Variants in ALK observed in about 807,000 individuals in gnomAD.
The protein encoded by ALK is ALK tyrosine kinase receptor.
In ALK, 74 loss-of-function variants were observed where a neutral mutation model predicts 163.1. The observed-to-expected ratio is 0.45, with a 90% CI of 0.38 to 0.55. The LOEUF (loss-of-function observed/expected upper bound fraction) is 0.55. Among genes scored for constraint, ALK ranks in the 20% least tolerant of loss-of-function variants. ALK has a pLI of 0.00. For missense variants in ALK, 2,063 were observed against 2,105.3 expected (o/e 0.98, Z 0.39); for synonymous variants, 960 against 843.2 (o/e 1.14, Z -2.40).
intron 3 of ALK, among the ~76,000 whole-genome samples, chr2:29,637,674 A>T (rs540506244): frequency 1.2e-3 from 157 of 133,916 alleles, no homozygotes; most frequent in Admixed American, 2.2e-3. Context: ...GCACCGCCGC[A>T]CTCCAGCCTG....
chr2:29,400,781 C>A (rs909368450), intron 4 of ALK, among the ~76,000 whole-genome samples: 1 of 152,092 alleles, frequency 6.6e-6, no homozygotes, highest in Non-Finnish European at 1.5e-5. Context: ...TCGAGACCAG[C>A]CTGACCAACA....
chr2:29,397,179 A>G (rs529832897), intron 4 of ALK, among the ~76,000 whole-genome samples: 2 of 152,150 alleles, frequency 1.3e-5, no homozygotes, highest in South Asian at 4.1e-4. Context: ...AAAGGTAATC[A>G]AGTTAAAATT....
chr2:29,677,845 A>G (rs1677931693), intron 3 of ALK, among the ~76,000 whole-genome samples: 1 of 152,090 alleles, frequency 6.6e-6, no homozygotes, highest in Non-Finnish European at 1.5e-5. Flanking sequence ...CTAAAAGAAT[A>G]TGTCAATAAT....
At chr2:29,871,622 C>A (rs1247859085) in intron 1 of ALK, among the ~76,000 whole-genome samples, 1 of 152,188 alleles carries the variant, frequency 6.6e-6, no homozygotes, top group East Asian at 1.9e-4. Flanking sequence ...CCATAAGAAA[C>A]CTGCCTTGAC....
chr2:29,834,341 C>T (rs1194199864), intron 1 of ALK, among the ~76,000 whole-genome samples: 1 of 152,120 alleles, frequency 6.6e-6, no homozygotes, highest in Non-Finnish European at 1.5e-5. Context: ...GTGGGCTTGA[C>T]ACAATGCCAA....
intron 4 of ALK, among the ~76,000 whole-genome samples, chr2:29,468,121 C>T (rs367721842): frequency 3.9e-5 from 6 of 152,000 alleles, no homozygotes; most frequent in Non-Finnish European, 7.4e-5. Flanking sequence ...CTGCGCCTAC[C>T]GGGTTCAAGT....
intron 25 of ALK, 50 bp downstream of exon 25, chr2:29,209,736 G>A (rs2148154828): frequency 2.2e-6 from 3 of 1,382,492 alleles, no homozygotes; most frequent in Non-Finnish European, 3.1e-6. Flanking sequence ...ATTCTTGAGG[G>A]GCTGAGGTGG....
At chr2:29,835,061 G>A (rs567467764) in intron 1 of ALK, among the ~76,000 whole-genome samples, 33 of 152,256 alleles carry the variant, frequency 2.2e-4, no homozygotes, top group African/African-American at 7.9e-4. Context: ...CTGGTGAGTG[G>A]GTAAATCAAG....
At chr2:29,457,343 C>T (rs770199560) in intron 4 of ALK, among the ~76,000 whole-genome samples, 43 of 152,020 alleles carry the variant, frequency 2.8e-4, no homozygotes, top group Non-Finnish European at 5.3e-4. Flanking sequence ...AGAAGTAAAC[C>T]GGAAGGGATG....
intron 1 of ALK, among the ~76,000 whole-genome samples, chr2:29,728,158 T>G (rs1193649087): frequency 6.6e-6 from 1 of 152,234 alleles, no homozygotes; most frequent in Non-Finnish European, 1.5e-5. Context: ...CAATACTTCA[T>G]GTGTGCCTAT....
At chr2:29,272,199 A>AGAGAGGGAGAGAGAGAGAGAGG (rs1273526494) in intron 11 of ALK, among the ~76,000 whole-genome samples, 2 of 151,258 alleles carry the variant, frequency 1.3e-5, no homozygotes, top group Admixed American at 1.3e-4. Flanking sequence ...AGAGAGAGAG[A>AGAGAGGGAGAGAGAGAGAGAGG]GAGAGAGAGA....
intron 1 of ALK, among the ~76,000 whole-genome samples, chr2:29,900,917 G>A (rs868721757): frequency 5.9e-5 from 9 of 152,034 alleles, no homozygotes; most frequent in African/African-American, 1.7e-4. Flanking sequence ...AGAGCCACTC[G>A]ATTTTCATCC....
intron 1 of ALK, among the ~76,000 whole-genome samples, chr2:29,884,175 TA>T (rs964644910): frequency 6.6e-6 from 1 of 151,956 alleles, no homozygotes; most frequent in South Asian, 2.1e-4. Flanking sequence ...ATCTTCATGT[TA>T]AAAAAAACAT....
chr2:29,784,651 T>C (rs1663953050), intron 1 of ALK, among the ~76,000 whole-genome samples: 1 of 152,054 alleles, frequency 6.6e-6, no homozygotes, highest in Admixed American at 6.6e-5. Context: ...ACCGAGATCA[T>C]ACCATTGCAT....
At position 29,831,266 on chromosome 2, in the gene ALK, G is replaced by GAAGAAGAAT. The variant is rs1665408689; in HGVS notation, c.667+88726_667+88727insATTCTTCTT. On this transcript the variant is annotated intron_variant, in intron 1 of 28. Transcript: ENST00000389048. ...AGAAGAGGAAGAGGAAGAGGAAGAA[G>GAAGAAGAAT]AAGAAGAAGAAGAAGAAGAAGAAGA... Among the ~76,000 whole-genome samples the GAAGAAGAAT allele has an allele frequency of 1.3e-4, 12 of 89,812 alleles. 2 individuals carry two copies. The highest frequency in any genetic ancestry group is 4.6e-4 in the African/African-American group (12 of 25,942). 58.9% of individuals were successfully genotyped at this position (89,812 alleles called of 152,430 possible).
intron 4 of ALK, among the ~76,000 whole-genome samples, chr2:29,517,897 G>A (rs1274377927): frequency 3.3e-5 from 5 of 152,120 alleles, no homozygotes; most frequent in South Asian, 2.1e-4. Flanking sequence ...GGAGAACCTC[G>A]CCTCCCCTTC....
intron 12 of ALK, among the ~76,000 whole-genome samples, chr2:29,244,554 C>T (rs1032543777): frequency 6.6e-6 from 1 of 152,150 alleles, no homozygotes; most frequent in Non-Finnish European, 1.5e-5. Flanking sequence ...GCCAGTGTAG[C>T]CCTAAGTGCC....
chr2:29,433,499 G>A (rs1670328787), intron 4 of ALK, among the ~76,000 whole-genome samples: 1 of 152,176 alleles, frequency 6.6e-6, no homozygotes, highest in Admixed American at 6.5e-5. Context: ...TGCCTAATAA[G>A]TGTTTGCTCA....
chr2:29,810,504 T>C (rs1484191128), intron 1 of ALK, among the ~76,000 whole-genome samples: 2 of 152,072 alleles, frequency 1.3e-5, no homozygotes, highest in African/African-American at 2.4e-5. Flanking sequence ...ATTGCATTTT[T>C]AGTTGGGTAT....
Sources: allele counts gnomAD v4.1 joint callset (sites outside exome capture counted in the v4.1 genomes callset), GRCh38; gene constraint gnomAD v4.1.1; transcripts MANE v1.5; gene names NCBI Gene and HGNC (gene_info 2026-07-23, HGNC 2026-07-21).